Variants in NBEA observed in about 807,000 individuals in gnomAD.
The protein encoded by NBEA is lysosomal-trafficking regulator 2.
NBEA carries 44 observed loss-of-function variants against 343.4 expected under a neutral mutation model. The ratio of observed to expected loss-of-function variants is 0.13; its 90% CI spans 0.10 to 0.16. The LOEUF (loss-of-function observed/expected upper bound fraction) is 0.16, where lower values mean the gene tolerates loss of function less well. Among genes scored for constraint, NBEA ranks in the 10% least tolerant of loss-of-function variants. NBEA has a pLI of 1.00. For synonymous variants in NBEA, 1,175 were observed against 1,238.7 expected, an observed-to-expected ratio of 0.95 and a Z score of 1.08; for missense variants, 2,555 against 3,631.3, an observed-to-expected ratio of 0.70 and a Z score of 7.62.
At chr13:34,992,033 T>A (rs2060769339) in intron 1 of NBEA, among the ~76,000 whole-genome samples, 1 of 151,222 alleles carries the variant, frequency 6.6e-6, no homozygotes, top group Middle Eastern at 3.2e-3. Flanking sequence ...TTTCTATATG[T>A]AATATGACTT....
rs113369160 is a variant in NBEA, at chr13:35,140,535, T to C, written c.2337-1734T>C. 5.3e-4 allele frequency among the ~76,000 whole-genome samples: 81 copies of C among 152,210 alleles called. 1 individual carries two copies. Among genetic ancestry groups the C allele is most frequent in the African/African-American group, 1.8e-3 (75 of 41,546 alleles). ...TTTTTTTTAAATAGCCATTTGACCTTTTTCAGTCATATTTAAGTGTTTTGC... is the reference window on the plus strand; with the variant it reads ...TTTTTTTTAAATAGCCATTTGACCTCTTTCAGTCATATTTAAGTGTTTTGC... On this transcript the variant is annotated intron_variant, in intron 17 of 58. Transcript: ENST00000379939.
chr13:35,461,311 C>T (rs1426491684), intron 40 of NBEA, among the ~76,000 whole-genome samples: 2 of 152,160 alleles, frequency 1.3e-5, no homozygotes, highest in African/African-American at 4.8e-5. Context: ...TCTGTTCTTT[C>T]TTAATACAGT....
chr13:35,344,192 A>G (rs1049302343), intron 36 of NBEA, among the ~76,000 whole-genome samples: 1 of 152,144 alleles, frequency 6.6e-6, no homozygotes, highest in Non-Finnish European at 1.5e-5. Context: ...TCAAAGAAAC[A>G]TAAAAAGTAT....
intron 34 of NBEA, among the ~76,000 whole-genome samples, chr13:35,234,487 G>C (rs984832846): frequency 6.6e-6 from 1 of 152,094 alleles, no homozygotes; most frequent in Non-Finnish European, 1.5e-5. Context: ...GCAGTCTAAT[G>C]AGCAAAGAGA....
chr13:35,131,720 A>G (rs1326047045), intron 17 of NBEA, among the ~76,000 whole-genome samples: 3 of 152,166 alleles, frequency 2.0e-5, no homozygotes, highest in Admixed American at 2.0e-4. Context: ...AAGCTAGCAA[A>G]ATTGTTTTCA....
intron 41 of NBEA, among the ~76,000 whole-genome samples, chr13:35,534,562 A>T (rs1344657136): frequency 7.2e-5 from 11 of 152,234 alleles, no homozygotes; most frequent in Admixed American, 5.9e-4. Flanking sequence ...TCCTTTCTGC[A>T]GTGAGTGCTC....
At chr13:35,019,222 T>C (rs2061751476) in intron 1 of NBEA, among the ~76,000 whole-genome samples, 1 of 151,990 alleles carries the variant, frequency 6.6e-6, no homozygotes, top group Admixed American at 6.6e-5. Context: ...TTCTTTGAAA[T>C]GGTTTTCTGA....
At chr13:35,124,639 CAT>C (rs1441792376) in intron 17 of NBEA, among the ~76,000 whole-genome samples, 8 of 136,192 alleles carry the variant, frequency 5.9e-5, no homozygotes, top group East Asian at 2.1e-4. Flanking sequence ...CATACACACA[CAT>C]ATATGGATAT....
intron 34 of NBEA, among the ~76,000 whole-genome samples, chr13:35,241,416 A>G (rs1238534620): frequency 6.6e-6 from 1 of 151,882 alleles, no homozygotes; most frequent in Non-Finnish European, 1.5e-5. Context: ...CTGAACAAAC[A>G]AAAGACACTA....
chr13:35,518,744 C>T (rs1418281152), intron 41 of NBEA, among the ~76,000 whole-genome samples: 1 of 152,134 alleles, frequency 6.6e-6, no homozygotes, highest in Admixed American at 6.5e-5. Flanking sequence ...TACTTGCTAG[C>T]AGCAGTCACA....
intron 34 of NBEA, among the ~76,000 whole-genome samples, chr13:35,252,597 T>C (rs1338409179): frequency 2.0e-5 from 3 of 152,076 alleles, no homozygotes; most frequent in Admixed American, 2.0e-4. Flanking sequence ...TATCCTGTCC[T>C]TGATGGTTGA....
At chr13:34,997,540 TGTCA>T (rs1216512192) in intron 1 of NBEA, among the ~76,000 whole-genome samples, 1 of 152,242 alleles carries the variant, frequency 6.6e-6, no homozygotes, top group African/African-American at 2.4e-5. Context: ...TGCTGTGTAA[TGTCA>T]GTAATTTATG....
At chr13:35,398,635 T>C (rs2042856046) in intron 38 of NBEA, among the ~76,000 whole-genome samples, 1 of 152,092 alleles carries the variant, frequency 6.6e-6, no homozygotes, top group South Asian at 2.1e-4. Context: ...GAAAATCTTT[T>C]TTTCTGAGTA....
At chr13:35,531,125 T>C (rs1468069296) in intron 41 of NBEA, among the ~76,000 whole-genome samples, 3 of 152,140 alleles carry the variant, frequency 2.0e-5, no homozygotes, top group Non-Finnish European at 2.9e-5. Context: ...ATTTGAAACA[T>C]ACATTTCTAC....
intron 35 of NBEA, among the ~76,000 whole-genome samples, chr13:35,304,375 G>A (rs1486544479): frequency 6.6e-6 from 1 of 151,920 alleles, no homozygotes; most frequent in Non-Finnish European, 1.5e-5. Flanking sequence ...GTGTGTGTGT[G>A]ACGGAGTCTT....
intron 41 of NBEA, among the ~76,000 whole-genome samples, chr13:35,525,553 CAATA>C (rs532623658): frequency 4.6e-5 from 7 of 151,532 alleles, no homozygotes; most frequent in East Asian, 1.9e-4. Flanking sequence ...GATTCCATCT[CAATA>C]AATAAATAAA....
At chr13:34,945,940 G>C (rs1245927315) in intron 1 of NBEA, among the ~76,000 whole-genome samples, 1 of 152,110 alleles carries the variant, frequency 6.6e-6, no homozygotes, top group Non-Finnish European at 1.5e-5. Flanking sequence ...TTTCCCAAAG[G>C]TCTAGAGACC....
chr13:34,970,598 T>C (rs1451219554), intron 1 of NBEA, among the ~76,000 whole-genome samples: 1 of 152,232 alleles, frequency 6.6e-6, no homozygotes, highest in Non-Finnish European at 1.5e-5. Flanking sequence ...CTTCTGCATA[T>C]GGCTAGCTAG....
chr13:35,540,966 G>A (rs1247759645), intron 41 of NBEA, among the ~76,000 whole-genome samples: 1 of 152,168 alleles, frequency 6.6e-6, no homozygotes, highest in African/African-American at 2.4e-5. Context: ...TGCAGCCACA[G>A]CAGTGATTTC....
Sources: gnomAD v4.1 joint callset for allele counts (sites outside exome capture counted in the v4.1 genomes callset) on GRCh38, gnomAD v4.1.1 for gene constraint, MANE v1.5 for transcripts, NCBI Gene and HGNC (gene_info 2026-07-23, HGNC 2026-07-21) for gene names.